EPHA5: variants seen among roughly 807,000 people sequenced by gnomAD.
The protein encoded by EPHA5 is EPH receptor A5, also known as ephrin type-A receptor 5.
Under a neutral mutation model 105.0 loss-of-function variants are expected in EPHA5, and 60 were observed. The ratio of observed to expected loss-of-function variants is 0.57; its 90% CI spans 0.46 to 0.71. The LOEUF is 0.71. Ranked by LOEUF, EPHA5 falls within the 30% of genes least tolerant of loss-of-function variation. The pLI is 0.00. For synonymous variants in EPHA5, 513 were observed against 449.1 expected (o/e 1.14, Z -1.80); for missense variants, 1,218 against 1,274.7 (o/e 0.96, Z 0.68).
intron 3 of EPHA5, among the ~76,000 whole-genome samples, chr4:65,588,902 A>G (rs1742371886): frequency 6.6e-6 from 1 of 152,160 alleles, no homozygotes; most frequent in East Asian, 1.9e-4. Context: ...CACACAAACA[A>G]AAACAGAAGG....
At chr4:65,333,316 A>G (rs1462994564) in intron 15 of EPHA5, among the ~76,000 whole-genome samples, 1 of 151,744 alleles carries the variant, frequency 6.6e-6, no homozygotes, top group Non-Finnish European at 1.5e-5. Context: ...ACCCTTGAGT[A>G]TAGTTTCTTC....
At chr4:65,663,245 T>C (rs527382820) in intron 1 of EPHA5, among the ~76,000 whole-genome samples, 1 of 152,254 alleles carries the variant, frequency 6.6e-6, no homozygotes, top group South Asian at 2.1e-4. Context: ...TTTTTAAATA[T>C]AGAAATGACT....
At chr4:65,511,678 T>C (rs1366760563) in intron 3 of EPHA5, among the ~76,000 whole-genome samples, 1 of 152,186 alleles carries the variant, frequency 6.6e-6, no homozygotes, top group African/African-American at 2.4e-5. Context: ...AAGAAAAGTT[T>C]TGTAAATCTT....
At position 65,505,023 on chromosome 4, in the gene EPHA5, A is replaced by G. The variant is rs369150516; in HGVS notation, c.911-9480T>C. On this transcript the variant is annotated intron_variant, in intron 3 of 16. Transcript: ENST00000613740. Reference sequence around the variant, plus strand: ...GAGTACTTCAATAATAGTGTGTATAAGGGTATATATAAAAATGTAAGCTTG... The same window carrying G: ...GAGTACTTCAATAATAGTGTGTATAGGGGTATATATAAAAATGTAAGCTTG... Among the ~76,000 whole-genome samples, 3 of 152,164 alleles carry G rather than the reference A, an allele frequency of 2.0e-5. No individual in the cohort carries two copies. In the East Asian group the frequency reaches 5.8e-4, roughly 29 times the overall value.
At chr4:65,480,717 G>A (rs1477062776) in intron 5 of EPHA5, among the ~76,000 whole-genome samples, 3 of 152,134 alleles carry the variant, frequency 2.0e-5, no homozygotes, top group Non-Finnish European at 4.4e-5. Flanking sequence ...CAGATCTGTG[G>A]TAGCGTTTTG....
chr4:65,658,315 A>G (rs1401645433), intron 1 of EPHA5, among the ~76,000 whole-genome samples: 1 of 152,078 alleles, frequency 6.6e-6, no homozygotes, highest in Admixed American at 6.6e-5. Context: ...GGCCAGAAAC[A>G]AAATACTGAG....
intron 2 of EPHA5, among the ~76,000 whole-genome samples, chr4:65,630,584 G>A (rs561798223): frequency 3.2e-4 from 49 of 152,242 alleles, no homozygotes; most frequent in Middle Eastern, 3.4e-3. Flanking sequence ...CCTCTTCCAC[G>A]TGTACTTTAT....
intron 3 of EPHA5, among the ~76,000 whole-genome samples, chr4:65,574,739 T>C (rs1235091947): frequency 7.9e-4 from 78 of 98,786 alleles, no homozygotes; most frequent in Non-Finnish European, 9.8e-4. Flanking sequence ...TACATATATA[T>C]ATACATATAT....
intron 12 of EPHA5, among the ~76,000 whole-genome samples, chr4:65,352,794 T>TC (rs386400328): frequency 2.0e-5 from 3 of 151,608 alleles, no homozygotes; most frequent in Non-Finnish European, 2.9e-5. Flanking sequence ...TGCATTTTTT[T>TC]TTTCAAATTA....
intron 3 of EPHA5, among the ~76,000 whole-genome samples, chr4:65,507,925 TCCCC>T (rs1733227145): frequency 6.6e-6 from 1 of 152,024 alleles, no homozygotes; most frequent in Non-Finnish European, 1.5e-5. Flanking sequence ...ATACCCAAAT[TCCCC>T]ACTCATAGTT....
intron 3 of EPHA5, among the ~76,000 whole-genome samples, chr4:65,524,332 A>T (rs1735032823): frequency 6.6e-6 from 1 of 151,842 alleles, no homozygotes; most frequent in Non-Finnish European, 1.5e-5. Flanking sequence ...TGTAGACAAA[A>T]ATGTGTTTCT....
chr4:65,574,713 T>TATATATAC (rs1435889709), intron 3 of EPHA5, among the ~76,000 whole-genome samples: 8 of 89,924 alleles, frequency 8.9e-5, no homozygotes, highest in African/African-American at 2.7e-4. Flanking sequence ...TATATACATA[T>TATATATAC]ATATATACAT....
chr4:65,562,784 A>C (rs958683116), intron 3 of EPHA5, among the ~76,000 whole-genome samples: 1 of 152,050 alleles, frequency 6.6e-6, no homozygotes, highest in Admixed American at 6.6e-5. Flanking sequence ...GACACTGAAG[A>C]TGCTGATTAA....
At chr4:65,650,543 G>C (rs563409965) in intron 1 of EPHA5, among the ~76,000 whole-genome samples, 59 of 115,414 alleles carry the variant, frequency 5.1e-4, no homozygotes, top group African/African-American at 2.2e-3. Context: ...CTGGGCAACA[G>C]AGTGAGACTC....
At chr4:65,345,211 G>T (rs1364482628) in intron 14 of EPHA5, among the ~76,000 whole-genome samples, 1 of 152,100 alleles carries the variant, frequency 6.6e-6, no homozygotes, top group Non-Finnish European at 1.5e-5. Context: ...TTAGAGAAAT[G>T]CTAGTCAGTG....
intron 8 of EPHA5, among the ~76,000 whole-genome samples, chr4:65,384,774 G>T (rs915508494): frequency 4.6e-5 from 7 of 151,860 alleles, no homozygotes; most frequent in Non-Finnish European, 8.8e-5. Flanking sequence ...ATTCATCTTT[G>T]CAATCAACGA....
At chr4:65,405,453 T>C (rs1274859117) in intron 7 of EPHA5, among the ~76,000 whole-genome samples, 1 of 152,132 alleles carries the variant, frequency 6.6e-6, no homozygotes, top group Non-Finnish European at 1.5e-5. Flanking sequence ...TGTGTTTTGT[T>C]TTTCACAACC....
At chr4:65,563,319 A>G (rs1160421776) in intron 3 of EPHA5, among the ~76,000 whole-genome samples, 2 of 152,206 alleles carry the variant, frequency 1.3e-5, no homozygotes, top group East Asian at 1.9e-4. Flanking sequence ...ACATTTTAAG[A>G]GAAGTCTTCA....
chr4:65,476,356 A>T (rs910567262), intron 5 of EPHA5, among the ~76,000 whole-genome samples: 1 of 149,256 alleles, frequency 6.7e-6, no homozygotes, highest in African/African-American at 2.5e-5. Context: ...CTTTCAATGG[A>T]TCCTTTGTCA....
Sources: allele counts gnomAD v4.1 joint callset (sites outside exome capture counted in the v4.1 genomes callset), GRCh38; gene constraint gnomAD v4.1.1; transcripts MANE v1.5; gene names NCBI Gene and HGNC (gene_info 2026-07-23, HGNC 2026-07-21).